Variants in RPS6KC1 observed in about 807,000 individuals in gnomAD.
RPS6KC1 encodes the protein inactive ribosomal protein S6 kinase delta-1.
Under a neutral mutation model 103.8 loss-of-function variants are expected in RPS6KC1, and 54 were observed. That is an observed-to-expected ratio of 0.52 (90% CI 0.42 to 0.65). The LOEUF (loss-of-function observed/expected upper bound fraction) is 0.65, where lower values mean the gene tolerates loss of function less well. Ranked by LOEUF, RPS6KC1 falls within the 30% of genes least tolerant of loss-of-function variation. RPS6KC1 has a pLI of 0.00. For missense variants in RPS6KC1, 1,151 were observed against 1,253.8 expected, an observed-to-expected ratio of 0.92 and a Z score of 1.24; for synonymous variants, 439 against 438.7, an observed-to-expected ratio of 1.00 and a Z score of -0.01.
chr1:213,652,509 T>G, the RPS6KC1 span, among the ~76,000 whole-genome samples: 1,156 of 152,284 alleles, frequency 7.6e-3, 9 homozygotes, highest in African/African-American at 0.027. Context: ...ACCTTAGAGG[T>G]GGAGTCTGCT....
chr1:213,777,837 G>A, the RPS6KC1 span, among the ~76,000 whole-genome samples: 4 of 152,120 alleles, frequency 2.6e-5, no homozygotes, highest in Non-Finnish European at 5.9e-5. Context: ...ATAAATAATG[G>A]TAATAGCTCT....
the RPS6KC1 span, among the ~76,000 whole-genome samples, chr1:213,790,256 A>G: frequency 6.6e-6 from 1 of 152,152 alleles, no homozygotes; most frequent in Non-Finnish European, 1.5e-5. Context: ...CCAAATGCCT[A>G]CTTCTAAATA....
At chr1:213,549,774 T>C in the RPS6KC1 span, among the ~76,000 whole-genome samples, 1 of 151,892 alleles carries the variant, frequency 6.6e-6, no homozygotes, top group African/African-American at 2.4e-5. Context: ...TCTCACCTAT[T>C]AGAAAGAGGA....
the RPS6KC1 span, among the ~76,000 whole-genome samples, chr1:213,317,806 A>T: frequency 6.6e-6 from 1 of 152,224 alleles, no homozygotes; most frequent in Non-Finnish European, 1.5e-5. Flanking sequence ...ATGTGGTAGC[A>T]TCTACCGGGG....
chr1:213,611,530 T>C, the RPS6KC1 span, among the ~76,000 whole-genome samples: 1 of 152,180 alleles, frequency 6.6e-6, no homozygotes, highest in South Asian at 2.1e-4. Flanking sequence ...TTCCATGAAA[T>C]GACAATAGGT....
At chr1:213,211,722 T>C (rs2841427) in intron 8 of RPS6KC1, among the ~76,000 whole-genome samples, 112,594 of 152,108 alleles carry the variant, frequency 0.74, 42,472 homozygotes, top group African/African-American at 0.88. Context: ...AGGAATGGCT[T>C]ATGTTCATTG....
chr1:213,746,756 A>G, the RPS6KC1 span, among the ~76,000 whole-genome samples: 1 of 152,134 alleles, frequency 6.6e-6, no homozygotes, highest in Admixed American at 6.5e-5. Context: ...CAGTTTCCAA[A>G]TATCACTTGA....
intron 6 of RPS6KC1, among the ~76,000 whole-genome samples, chr1:213,152,202 T>A (rs1317628995): frequency 9.2e-6 from 1 of 108,700 alleles, no homozygotes; most frequent in African/African-American, 3.6e-5. Context: ...ACCTCCCTCC[T>A]GGACGGGGCG....
chr1:213,207,475 T>C (rs1191829859), intron 8 of RPS6KC1, among the ~76,000 whole-genome samples: 1 of 152,140 alleles, frequency 6.6e-6, no homozygotes, highest in African/African-American at 2.4e-5. Flanking sequence ...CAAAATAGCT[T>C]TTGTTCAGCT....
the RPS6KC1 span, among the ~76,000 whole-genome samples, chr1:213,657,517 C>T: frequency 6.6e-6 from 1 of 152,094 alleles, no homozygotes; most frequent in African/African-American, 2.4e-5. Flanking sequence ...TAGAAGCAGA[C>T]ATGCATTTCC....
the RPS6KC1 span, among the ~76,000 whole-genome samples, chr1:213,644,320 C>T: frequency 4.4e-3 from 673 of 152,160 alleles, 2 homozygotes; most frequent in African/African-American, 0.015. Flanking sequence ...TATCAACATC[C>T]CCCACCAGAG....
the RPS6KC1 span, among the ~76,000 whole-genome samples, chr1:213,571,028 G>A: frequency 6.6e-6 from 1 of 152,236 alleles, no homozygotes; most frequent in Non-Finnish European, 1.5e-5. Context: ...AAATGCGTAT[G>A]TGTCTTCCAA....
chr1:213,308,145 C>G, the RPS6KC1 span, among the ~76,000 whole-genome samples: 62 of 151,888 alleles, frequency 4.1e-4, 1 homozygote, highest in Admixed American at 1.9e-3. Flanking sequence ...AACCCCGTCT[C>G]TACTTAAAAT....
At chr1:213,495,322 CT>C in the RPS6KC1 span, among the ~76,000 whole-genome samples, 10 of 148,904 alleles carry the variant, frequency 6.7e-5, no homozygotes, top group Admixed American at 2.0e-4. Flanking sequence ...CCCCACCCCG[CT>C]TTTTTTTTTC....
intron 1 of RPS6KC1, among the ~76,000 whole-genome samples, chr1:213,053,894 T>A (rs1264292133): frequency 6.6e-6 from 1 of 152,088 alleles, no homozygotes; most frequent in South Asian, 2.1e-4. Flanking sequence ...TGGAGTGCAG[T>A]GGCGCTATCT....
intron 6 of RPS6KC1, among the ~76,000 whole-genome samples, chr1:213,151,590 G>T (rs569223474): frequency 3.3e-5 from 3 of 89,902 alleles, no homozygotes; most frequent in African/African-American, 5.5e-5. Context: ...GCGGCTGGCC[G>T]GGCGGGGGGC....
chr1:213,378,963 G>C, the RPS6KC1 span, among the ~76,000 whole-genome samples: 3 of 152,170 alleles, frequency 2.0e-5, no homozygotes, highest in African/African-American at 4.8e-5. Context: ...AGAAGGCTGA[G>C]GGGGAGAGAG....
chr1:213,079,565 A>G (rs2079663237), intron 3 of RPS6KC1, among the ~76,000 whole-genome samples: 1 of 151,944 alleles, frequency 6.6e-6, no homozygotes, highest in Non-Finnish European at 1.5e-5. Context: ...CCATAGGTGC[A>G]CACCACCATG....
At chr1:213,783,815 C>CAAAAAA in the RPS6KC1 span, among the ~76,000 whole-genome samples, 212 of 65,968 alleles carry the variant, frequency 3.2e-3, 3 homozygotes, top group East Asian at 0.036. Flanking sequence ...AAGATGTTGC[C>CAAAAAA]AAAAAAAAAA....
Sources: allele counts gnomAD v4.1 joint callset (sites outside exome capture counted in the v4.1 genomes callset), GRCh38; gene constraint gnomAD v4.1.1; transcripts MANE v1.5; gene names NCBI Gene and HGNC (gene_info 2026-07-23, HGNC 2026-07-21).